The following WWP2 variants were observed in gnomAD, a reference collection of about 807,000 sequenced individuals.
WWP2 encodes WW domain containing E3 ubiquitin protein ligase 2.
In WWP2, 57 loss-of-function variants were observed where a neutral mutation model predicts 121.0. That is an observed-to-expected ratio of 0.47 (90% CI 0.38 to 0.59). The LOEUF (loss-of-function observed/expected upper bound fraction) is 0.59, where lower values mean the gene tolerates loss of function less well. Among genes scored for constraint, WWP2 ranks in the 20% least tolerant of loss-of-function variants. The pLI is 0.00. For missense variants in WWP2, 962 were observed against 1,158.9 expected (o/e 0.83, Z 2.47); for synonymous variants, 449 against 441.3 (o/e 1.02, Z -0.22).
intron 4 of WWP2, among the ~76,000 whole-genome samples, chr16:69,831,406 G>A (rs918571217): frequency 6.6e-6 from 1 of 152,118 alleles, no homozygotes; most frequent in South Asian, 2.1e-4. Context: ...ATTTTGTAAC[G>A]GAATTGCATT....
intron 4 of WWP2, among the ~76,000 whole-genome samples, chr16:69,813,086 G>T (rs1306473620): frequency 6.6e-6 from 1 of 151,730 alleles, no homozygotes; most frequent in East Asian, 1.9e-4. Context: ...GTATGCGTGT[G>T]TGTAGGTATG....
intron 8 of WWP2, among the ~76,000 whole-genome samples, chr16:69,895,432 A>G (rs886444350): frequency 6.6e-6 from 1 of 152,212 alleles, no homozygotes; most frequent in Non-Finnish European, 1.5e-5. Context: ...AGACGAATCT[A>G]TTGAGCACAC....
chr16:69,803,307 TTTTC>T (rs747029040), intron 4 of WWP2, among the ~76,000 whole-genome samples: 13 of 151,652 alleles, frequency 8.6e-5, no homozygotes, highest in Admixed American at 4.0e-4. Flanking sequence ...AAACAGGACA[TTTTC>T]TTTATTTTAA....
In WWP2 at chr16:69,925,362, T is replaced by C; in HGVS notation, c.1180-68T>C. 6.3e-7 allele frequency: 1 copy of C among 1,585,880 alleles called. No individual in the cohort carries two copies. Among genetic ancestry groups the C allele is most frequent in the Non-Finnish European group, 8.6e-7 (1 of 1,164,234 alleles). On this transcript the variant is annotated intron_variant, in intron 10 of 23. Coordinates refer to ENST00000359154, the MANE Select transcript of WWP2 (RefSeq NM_001270454.2). This position sits in a 1 kb window ranked among gnomAD's most constrained non-coding sequence, Gnocchi z 4.0. ...AGTCATTGGCATTTTTATTTTTTATTGATTGATTGATTTTTTCACCAGTGG... is the reference window on the plus strand; with the variant it reads ...AGTCATTGGCATTTTTATTTTTTATCGATTGATTGATTTTTTCACCAGTGG...
chr16:69,893,909 G>A (rs776068182), intron 8 of WWP2, among the ~76,000 whole-genome samples: 13 of 152,102 alleles, frequency 8.5e-5, no homozygotes, highest in African/African-American at 2.4e-4. Flanking sequence ...TGTGCAGCAC[G>A]GCTCCTCTTC....
chr16:69,930,022 C>T, intron 12 of WWP2, 108 bp from the exon 13 acceptor site: 1 of 1,517,314 alleles, frequency 6.6e-7, no homozygotes, highest in Middle Eastern at 1.7e-4. Context: ...CCTCAAAGTC[C>T]CTCATGGGCT....
intron 6 of WWP2, among the ~76,000 whole-genome samples, chr16:69,862,944 T>C (rs2057452102): frequency 6.6e-6 from 1 of 151,798 alleles, no homozygotes; most frequent in African/African-American, 2.4e-5. Flanking sequence ...CCAGGCTGGG[T>C]TTGCACTCTT....
intron 6 of WWP2, among the ~76,000 whole-genome samples, chr16:69,859,547 C>A (rs1237785632): frequency 1.3e-5 from 2 of 151,800 alleles, no homozygotes; most frequent in African/African-American, 4.8e-5. Context: ...CAGAGGGAGA[C>A]CCTGTCTCAA....
chr16:69,865,089 G>A (rs1361871153), intron 6 of WWP2, among the ~76,000 whole-genome samples: 3 of 151,494 alleles, frequency 2.0e-5, no homozygotes, highest in African/African-American at 7.3e-5. Flanking sequence ...TGGCTCTGTC[G>A]TGTAGGCTGG....
intron 9 of WWP2, among the ~76,000 whole-genome samples, chr16:69,914,763 CAAAAA>C (rs1304515485): frequency 6.6e-6 from 1 of 151,904 alleles, no homozygotes; most frequent in Non-Finnish European, 1.5e-5. Flanking sequence ...CTCAAAGAAA[CAAAAA>C]AGAAAATGAT....
chr16:69,908,320 G>C (rs186443355), intron 8 of WWP2, among the ~76,000 whole-genome samples: 336 of 152,316 alleles, frequency 2.2e-3, no homozygotes, highest in African/African-American at 7.8e-3. Flanking sequence ...AGGGCCTATA[G>C]ATGATCTTGT....
chr16:69,787,914 T>C (rs2055826246), intron 2 of WWP2: 1 of 152,480 alleles, frequency 6.6e-6, no homozygotes, highest in East Asian at 1.9e-4. Context: ...CACTCAACAT[T>C]CAGCCACTTC....
intron 12 of WWP2, 126 bp downstream of exon 12, chr16:69,929,655 A>G (rs1272634781): frequency 2.6e-6 from 2 of 777,784 alleles, no homozygotes; most frequent in East Asian, 5.1e-5. Context: ...GCCACACACA[A>G]GTGTCTTGAG....
chr16:69,785,812 A>G (rs574121740), intron 1 of WWP2, among the ~76,000 whole-genome samples: 84 of 151,824 alleles, frequency 5.5e-4, no homozygotes, highest in Non-Finnish European at 1.1e-3. Flanking sequence ...TTTTTAGTAT[A>G]GATGGGGTTT....
At chr16:69,854,477 A>G (rs2057273798) in intron 6 of WWP2, among the ~76,000 whole-genome samples, 1 of 151,468 alleles carries the variant, frequency 6.6e-6, no homozygotes, top group Non-Finnish European at 1.5e-5. Flanking sequence ...TTCTGGTGGC[A>G]TTTAAATAGC....
chr16:69,897,094 CT>C (rs11343848), intron 8 of WWP2, among the ~76,000 whole-genome samples: 5,680 of 145,164 alleles, frequency 0.039, 287 homozygotes, highest in African/African-American at 0.12. Context: ...CTCTCCCCGT[CT>C]TTTTTTTTTT....
intron 8 of WWP2, among the ~76,000 whole-genome samples, chr16:69,892,332 C>G (rs1009797627): frequency 6.6e-6 from 1 of 151,838 alleles, no homozygotes; most frequent in Non-Finnish European, 1.5e-5. Flanking sequence ...CTAATGCTAT[C>G]CCTCCCCTAG....
chr16:69,936,972 A>G, intron 19 of WWP2, 146 bp from the exon 20 acceptor site: 1 of 1,134,292 alleles, frequency 8.8e-7, no homozygotes, highest in Non-Finnish European at 1.2e-6. Context: ...GCCTCACTCT[A>G]GGTCCTCCAG....
intron 6 of WWP2, among the ~76,000 whole-genome samples, chr16:69,865,126 T>C (rs2057497364): frequency 6.6e-6 from 1 of 151,746 alleles, no homozygotes; most frequent in African/African-American, 2.4e-5. Context: ...CTCGGCTCAC[T>C]GTAACCTCCA....
Sources: allele counts gnomAD v4.1 joint callset (sites outside exome capture counted in the v4.1 genomes callset), GRCh38; gene constraint gnomAD v4.1.1; non-coding constraint Gnocchi (gnomAD v3.1); transcripts MANE v1.5; gene names NCBI Gene and HGNC (gene_info 2026-07-23, HGNC 2026-07-21).